The following CERS6 variants were observed in gnomAD, a reference collection of about 807,000 sequenced individuals.
CERS6 encodes the protein ceramide synthase 6.
Under a neutral mutation model 56.8 loss-of-function variants are expected in CERS6, and 26 were observed. The ratio of observed to expected loss-of-function variants is 0.46; its 90% confidence interval spans 0.34 to 0.63. The LOEUF (loss-of-function observed/expected upper bound fraction) is 0.63, where lower values mean the gene tolerates loss of function less well. Among genes scored for constraint, CERS6 ranks in the 30% least tolerant of loss-of-function variants. The pLI is 0.01. For missense variants in CERS6, 415 were observed against 467.5 expected, an observed-to-expected ratio of 0.89 and a Z score of 1.04; for synonymous variants, 164 against 173.3, an observed-to-expected ratio of 0.95 and a Z score of 0.42.
intron 1 of CERS6, among the ~76,000 whole-genome samples, chr2:168,465,094 T>C (rs145439405): frequency 1.4e-3 from 207 of 152,376 alleles, no homozygotes; most frequent in African/African-American, 4.7e-3. Flanking sequence ...ATGTTCATCA[T>C]TCACAATAGC....
chr2:168,600,212 T>TCTCTC (rs1559015214), intron 3 of CERS6, among the ~76,000 whole-genome samples: 35 of 15,912 alleles, frequency 2.2e-3, no homozygotes, highest in Non-Finnish European at 4.3e-3. Context: ...CTCTCTCTCT[T>TCTCTC]TTTTTTTTTT....
intron 3 of CERS6, among the ~76,000 whole-genome samples, chr2:168,614,648 A>G (rs1281741197): frequency 1.3e-5 from 2 of 152,110 alleles, no homozygotes; most frequent in African/African-American, 2.4e-5. Flanking sequence ...GGCAGCCATA[A>G]TCTTCCTGGG....
At chr2:168,564,498 A>G (rs937293286) in intron 3 of CERS6, among the ~76,000 whole-genome samples, 1 of 152,172 alleles carries the variant, frequency 6.6e-6, no homozygotes, top group Non-Finnish European at 1.5e-5. Flanking sequence ...GTGACACTTT[A>G]AAACTTTGGT....
chr2:168,747,702 CTT>C (rs1056295024), intron 8 of CERS6, among the ~76,000 whole-genome samples: 3 of 152,058 alleles, frequency 2.0e-5, no homozygotes, highest in African/African-American at 7.2e-5. Context: ...AATATTATCT[CTT>C]TTAATTATTA....
In CERS6 at chr2:168,771,610, C is replaced by G. The variant is rs762147168; in HGVS notation, c.*1948C>G. 1 of 152,146 alleles carries G rather than the reference C, an allele frequency of 6.6e-6. No individual in the cohort carries two copies. Among genetic ancestry groups the G allele is most frequent in the African/African-American group, 2.4e-5 (1 of 41,424 alleles). 9.4% of individuals were successfully genotyped at this position (152,146 alleles called of 1,614,324 possible). ...ATATGTATAAGGTAATAGCATATTACAGCTGAAAATTTTGAGAAGGTAAAA... is the reference window on the plus strand; with the variant it reads ...ATATGTATAAGGTAATAGCATATTAGAGCTGAAAATTTTGAGAAGGTAAAA... On this transcript the variant is annotated 3_prime_UTR_variant, in exon 10 of 10. Transcript: ENST00000305747.
At chr2:168,638,240 C>CT (rs1684906909) in intron 4 of CERS6, among the ~76,000 whole-genome samples, 1 of 152,070 alleles carries the variant, frequency 6.6e-6, no homozygotes, top group Non-Finnish European at 1.5e-5. Flanking sequence ...ATAGAAATTC[C>CT]TTTTTACACA....
intron 3 of CERS6, among the ~76,000 whole-genome samples, chr2:168,570,420 T>G (rs1397381307): frequency 6.6e-6 from 1 of 152,134 alleles, no homozygotes; most frequent in Non-Finnish European, 1.5e-5. Flanking sequence ...GAATACACAG[T>G]GAATGTCTTT....
chr2:168,724,574 A>C (rs1683287305), intron 8 of CERS6, among the ~76,000 whole-genome samples: 1 of 151,036 alleles, frequency 6.6e-6, no homozygotes, highest in Non-Finnish European at 1.5e-5. Flanking sequence ...TCCCCACCAG[A>C]TTAGCTAGAT....
intron 4 of CERS6, among the ~76,000 whole-genome samples, chr2:168,631,557 A>G (rs1344968364): frequency 8.4e-6 from 1 of 118,780 alleles, no homozygotes; most frequent in Non-Finnish European, 1.6e-5. Context: ...TATTTTTAAT[A>G]TTTATATATT....
At chr2:168,648,523 T>G (rs1685260040) in intron 4 of CERS6, among the ~76,000 whole-genome samples, 1 of 152,204 alleles carries the variant, frequency 6.6e-6, no homozygotes, top group African/African-American at 2.4e-5. Flanking sequence ...TTGATTTCCT[T>G]TAATTCAGCT....
intron 3 of CERS6, among the ~76,000 whole-genome samples, chr2:168,620,610 A>G (rs984076911): frequency 6.6e-6 from 1 of 152,122 alleles, no homozygotes; most frequent in Non-Finnish European, 1.5e-5. Flanking sequence ...CTCTATTGTT[A>G]ATAGATATGG....
At chr2:168,711,549 C>A (rs900595225) in intron 6 of CERS6, among the ~76,000 whole-genome samples, 1 of 152,024 alleles carries the variant, frequency 6.6e-6, no homozygotes, top group Non-Finnish European at 1.5e-5. Context: ...GTCTGGCCAA[C>A]ATGGTGAAAC....
At chr2:168,748,829 G>C (rs1230786776) in intron 8 of CERS6, among the ~76,000 whole-genome samples, 1 of 124,320 alleles carries the variant, frequency 8.0e-6, no homozygotes. Context: ...CGTGGTTGGG[G>C]GTGGGGGGGG....
chr2:168,760,877 TCCCGCGTAGCTGGGACTACAGGCG>T (rs1305376843), intron 8 of CERS6, among the ~76,000 whole-genome samples: 3 of 152,090 alleles, frequency 2.0e-5, no homozygotes, highest in South Asian at 4.1e-4. Context: ...TGCCTCAGCC[TCCCGCGTAGCTGGGACTACAGGCG>T]CCCGCCACCA....
chr2:168,574,513 C>A (rs776680523), intron 3 of CERS6, among the ~76,000 whole-genome samples: 3 of 152,034 alleles, frequency 2.0e-5, no homozygotes, highest in Non-Finnish European at 4.4e-5. Context: ...TTTATTTTAT[C>A]ATCATCCTTA....
chr2:168,575,446 C>T (rs574821845), intron 3 of CERS6, among the ~76,000 whole-genome samples: 1 of 152,002 alleles, frequency 6.6e-6, no homozygotes, highest in East Asian at 1.9e-4. Flanking sequence ...TCCTCACTCT[C>T]TTTAAAACTA....
At chr2:168,533,860 A>G (rs753036049) in intron 1 of CERS6, among the ~76,000 whole-genome samples, 4 of 151,792 alleles carry the variant, frequency 2.6e-5, no homozygotes, top group Non-Finnish European at 2.9e-5. Context: ...ACTCCAGTCA[A>G]TCATTGGTTC....
At chr2:168,577,384 T>C (rs1559005526) in intron 3 of CERS6, among the ~76,000 whole-genome samples, 1 of 152,084 alleles carries the variant, frequency 6.6e-6, no homozygotes, top group Non-Finnish European at 1.5e-5. Context: ...TAAGACAAAA[T>C]GGAGGAGAGA....
At chr2:168,628,263 T>C (rs1293221375) in intron 3 of CERS6, among the ~76,000 whole-genome samples, 2 of 152,208 alleles carry the variant, frequency 1.3e-5, no homozygotes, top group East Asian at 1.9e-4. Context: ...TTTAGAGATA[T>C]TCATCTAGAC....
Sources: gnomAD v4.1 joint callset for allele counts (sites outside exome capture counted in the v4.1 genomes callset) on GRCh38, gnomAD v4.1.1 for gene constraint, MANE v1.5 for transcripts, NCBI Gene and HGNC (gene_info 2026-07-23, HGNC 2026-07-21) for gene names.